PHF11: variants seen among roughly 807,000 people sequenced by gnomAD.
The protein encoded by PHF11 is PHD finger protein 11, also known as BRCA1 C-terminus-associated protein.
A neutral mutation model predicts 40.5 loss-of-function variants in PHF11; 38 were observed. The observed-to-expected ratio is 0.94, with a 90% CI of 0.72 to 1.23. The LOEUF is 1.23. Ranked by LOEUF, PHF11 falls within the 50% of genes most tolerant of loss-of-function variation. The probability of loss-of-function intolerance (pLI) is 0.00; values close to 1 mark genes in which losing one functional copy is unlikely to be tolerated. For missense variants in PHF11, 369 were observed against 392.4 expected (o/e 0.94, Z 0.50); for synonymous variants, 127 against 138.2 (o/e 0.92, Z 0.57).
At chr13:49,509,727 T>A (rs1486887349) in intron 2 of PHF11, among the ~76,000 whole-genome samples, 4 of 152,086 alleles carry the variant, frequency 2.6e-5, no homozygotes, top group African/African-American at 9.7e-5. Flanking sequence ...TCCCCAAAAA[T>A]CTCTCTTGCC....
intron 3 of PHF11, among the ~76,000 whole-genome samples, chr13:49,513,406 C>T (rs1172519138): frequency 6.7e-6 from 1 of 150,124 alleles, no homozygotes; most frequent in African/African-American, 2.5e-5. Context: ...TCTCAGCTCA[C>T]TGCAACCTCC....
At chr13:49,521,839 A>C in intron 5 of PHF11, 2 of 331,676 alleles carry the variant, frequency 6.0e-6, no homozygotes, top group East Asian at 5.6e-5. Context: ...TTTTCTACTC[A>C]ATTATTTACC....
At chr13:49,505,025 T>G (rs985633078) in intron 1 of PHF11, among the ~76,000 whole-genome samples, 8 of 151,136 alleles carry the variant, frequency 5.3e-5, no homozygotes, top group Non-Finnish European at 7.4e-5. Flanking sequence ...AGCATGCTCG[T>G]TAAGAGTCAT....
chr13:49,513,695 CT>C (rs1375298960), intron 3 of PHF11, among the ~76,000 whole-genome samples: 1 of 152,152 alleles, frequency 6.6e-6, no homozygotes, highest in East Asian at 1.9e-4. Flanking sequence ...AGTTAGAATG[CT>C]TTTGCTGTAA....
chr13:49,515,513 C>G (rs1219623008), intron 3 of PHF11, among the ~76,000 whole-genome samples: 3 of 148,878 alleles, frequency 2.0e-5, no homozygotes, highest in Non-Finnish European at 4.5e-5. Flanking sequence ...CATTCTCCAT[C>G]TAAATCTGCT....
Position 49,518,073 on chromosome 13 carries a change from G to A in PHF11, c.380G>A (p.Cys127Tyr), listed in dbSNP as rs767620664. ...GATVGCDLKN[C>Y]NKNYHFFCAK... ...ACCGTGGGATGTGATTTAAAAAACT[G>A]TAACAAGAATTACCACTTTTTCTGT... Residue 127 changes from cysteine to tyrosine, a missense_variant, in exon 4 of 10, where the codon TGT (cysteine) becomes TAT (tyrosine). Transcript: ENST00000378319. 1 of 1,599,740 alleles carries A rather than the reference G, an allele frequency of 6.3e-7. No homozygotes were observed. Among genetic ancestry groups the A allele is most frequent in the South Asian group, 1.1e-5 (1 of 90,282 alleles).
intron 9 of PHF11, 127 bp downstream of exon 9, chr13:49,526,585 A>AAGCC: frequency 1.5e-6 from 1 of 676,690 alleles, no homozygotes; most frequent in South Asian, 1.8e-5. Context: ...TAAATGAGAA[A>AAGCC]AGCCAATTAC....
intron 1 of PHF11, among the ~76,000 whole-genome samples, chr13:49,499,780 A>G (rs960162752): frequency 5.3e-5 from 8 of 152,274 alleles, no homozygotes; most frequent in Non-Finnish European, 1.2e-4. Flanking sequence ...AGAAGAAAGG[A>G]GGAAATCTCC....
At chr13:49,502,936 G>A (rs1958929906) in intron 1 of PHF11, among the ~76,000 whole-genome samples, 1 of 152,016 alleles carries the variant, frequency 6.6e-6, no homozygotes. Flanking sequence ...ATGTTAGCCA[G>A]GATGGTCTCG....
At chr13:49,521,063 C>T in intron 5 of PHF11, 123 bp downstream of exon 5, 1 of 1,394,398 alleles carries the variant, frequency 7.2e-7, no homozygotes, top group Non-Finnish European at 9.4e-7. Flanking sequence ...TAAAATTTTA[C>T]ACATCTAGAA....
At chr13:49,510,480 A>G (rs1033468829) in intron 2 of PHF11, among the ~76,000 whole-genome samples, 1 of 151,884 alleles carries the variant, frequency 6.6e-6, no homozygotes, top group East Asian at 1.9e-4. Flanking sequence ...TTTAATGGTG[A>G]TGTTTTATTT....
At chr13:49,522,471 G>C (rs565280082) in intron 6 of PHF11, among the ~76,000 whole-genome samples, 1 of 152,264 alleles carries the variant, frequency 6.6e-6, no homozygotes, top group African/African-American at 2.4e-5. Flanking sequence ...GTTAAAACGG[G>C]CAGAGGGTGC....
chr13:49,516,011 C>T (rs1348882351), intron 3 of PHF11, among the ~76,000 whole-genome samples: 3 of 152,126 alleles, frequency 2.0e-5, no homozygotes, highest in African/African-American at 4.8e-5. Context: ...CTCATTCTTG[C>T]GGCCAAGACC....
chr13:49,518,208 G>A, intron 4 of PHF11, 57 bp downstream of exon 4: 1 of 1,267,888 alleles, frequency 7.9e-7, no homozygotes, highest in Non-Finnish European at 1.1e-6. Context: ...AGGAATGGTT[G>A]GATTAAGACA....
intron 1 of PHF11, among the ~76,000 whole-genome samples, chr13:49,497,480 G>C (rs1413173190): frequency 6.6e-6 from 1 of 152,122 alleles, no homozygotes; most frequent in Non-Finnish European, 1.5e-5. Flanking sequence ...AGTCGGGCCA[G>C]CCAGTTCTGT....
chr13:49,508,335 CA>C (rs1566189513), intron 2 of PHF11, among the ~76,000 whole-genome samples: 3 of 121,076 alleles, frequency 2.5e-5, no homozygotes, highest in African/African-American at 7.5e-5. Flanking sequence ...TTACTATATT[CA>C]TATATTACTA....
intron 1 of PHF11, among the ~76,000 whole-genome samples, chr13:49,501,321 T>A (rs1306057139): frequency 1.3e-5 from 2 of 152,062 alleles, no homozygotes; most frequent in Non-Finnish European, 2.9e-5. Context: ...CCCCACTGGC[T>A]TTTTTTAAGC....
Position 49,528,523 on chromosome 13 carries a change from A to C in PHF11, c.854A>C (p.Lys285Thr). The C allele has an allele frequency of 6.3e-7, 1 of 1,597,178 alleles. No individual in the cohort carries two copies. The highest frequency in any genetic ancestry group is 8.5e-7 in the Non-Finnish European group (1 of 1,174,162). ...CTTCTTTTCATAGCAATAGAGAAAAAAATTCATGCATCTCAACAAAGGTGG... is the reference window on the plus strand; with the variant it reads ...CTTCTTTTCATAGCAATAGAGAAAACAATTCATGCATCTCAACAAAGGTGG... ...FVNFQAAIEK[K>T]IHASQQRWQQ... is the part of the protein sequence containing the mutation. Residue 285 changes from lysine to threonine, a missense_variant, in exon 10 of 10, where the codon AAA (lysine) becomes ACA (threonine). Transcript: ENST00000378319.
At chr13:49,515,455 T>TACACACACAC (rs61316360) in intron 3 of PHF11, among the ~76,000 whole-genome samples, 235 of 137,688 alleles carry the variant, frequency 1.7e-3, no homozygotes, top group South Asian at 4.5e-3. Context: ...CCATCTCCTA[T>TACACACACAC]ACACACACAC....
Sources: gnomAD v4.1 joint callset for allele counts (sites outside exome capture counted in the v4.1 genomes callset) on GRCh38, gnomAD v4.1.1 for gene constraint, MANE v1.5 for transcripts, NCBI Gene and HGNC (gene_info 2026-07-23, HGNC 2026-07-21) for gene names.